LRRFIP1: variants seen among roughly 807,000 people sequenced by gnomAD.
LRRFIP1 encodes the protein leucine-rich repeat flightless-interacting protein 1.
Under a neutral mutation model 104.4 loss-of-function variants are expected in LRRFIP1, and 62 were observed. That is an observed-to-expected ratio of 0.59 (90% CI 0.48 to 0.73). The LOEUF (loss-of-function observed/expected upper bound fraction) is 0.73, where lower values mean the gene tolerates loss of function less well. Among genes scored for constraint, LRRFIP1 ranks in the 30% least tolerant of loss-of-function variants. The pLI, the probability that LRRFIP1 is intolerant of heterozygous loss-of-function variation, is 0.00. For synonymous variants in LRRFIP1, 300 were observed against 299.0 expected, an observed-to-expected ratio of 1.00 and a Z score of -0.03; for missense variants, 796 against 824.5, an observed-to-expected ratio of 0.97 and a Z score of 0.42.
Position 237,758,777 on chromosome 2 carries a change from GA to G in LRRFIP1, c.1274del (p.Asp425ValfsTer7), listed in dbSNP as rs1403984041. 17 of 1,613,470 alleles carry G rather than the reference GA, an allele frequency of 1.1e-5. No individual in the cohort carries two copies. The highest frequency in any genetic ancestry group is 1.4e-5 in the Non-Finnish European group (17 of 1,179,732). Reference protein sequence around the residue: ...EFFDSVRSERDDLREEVVMLK... With the variant: ...EFFDSVRSERXDLREEVVMLK... Reference sequence around the variant, plus strand: ...CTTTGATTCCGTAAGGAGTGAACGGGATGATCTTAGAGAAGAAGTAGTCATG... The same window carrying G: ...CTTTGATTCCGTAAGGAGTGAACGGGTGATCTTAGAGAAGAAGTAGTCATG... On this transcript the variant is annotated frameshift_variant, in exon 18 of 24. Coordinates refer to ENST00000308482, the MANE Select transcript of LRRFIP1 (RefSeq NM_001137550.2). LOFTEE classifies it high-confidence loss of function.
chr2:237,691,990 G>A lies in LRRFIP1; in HGVS notation c.97-16554G>A, dbSNP rs1463543651. 6.9e-6 allele frequency among the ~76,000 whole-genome samples: 1 copy of A among 145,320 alleles called. No homozygotes were observed. The highest frequency in any genetic ancestry group is 2.1e-4 in the East Asian group (1 of 4,818). On this transcript the variant is annotated intron_variant, in intron 1 of 23. Coordinates refer to ENST00000308482, the MANE Select transcript of LRRFIP1 (RefSeq NM_001137550.2). This position sits in a 1 kb window ranked among gnomAD's most constrained non-coding sequence, Gnocchi z 5.4. ...GGGGCCTGGGTGGGGCGGAGCCGGT[G>A]GGGGTGGGGAAAGGGGCGTAACCGG...
intron 20 of LRRFIP1, 50 bp from the exon 21 acceptor site, chr2:237,772,031 T>G (rs1162191103): frequency 7.4e-7 from 1 of 1,345,872 alleles, no homozygotes; most frequent in Non-Finnish European, 1.1e-6. Context: ...AGCTTTTCGG[T>G]CTCATTCAGA....
Position 237,735,296 on chromosome 2 carries a change from G to A in LRRFIP1, c.518G>A (p.Gly173Asp), listed in dbSNP as rs1414273013. Residue 173 changes from glycine to aspartate, a missense_variant, in exon 10 of 24, where the codon GGT becomes GAT. By Grantham distance (94) the Gly-to-Asp change is moderately conservative. Transcript: ENST00000308482. This position sits in a 1 kb window ranked among gnomAD's most constrained non-coding sequence, Gnocchi z 4.6. ...RASVLDEGSF[G>D]GTRRGSTSGS... is the part of the protein sequence containing the mutation. ...TCTGTGTTGGATGAAGGCAGCTTCGGTGGGACCCGACGGGGCAGCACCTCC... is the reference window on the plus strand; with the variant it reads ...TCTGTGTTGGATGAAGGCAGCTTCGATGGGACCCGACGGGGCAGCACCTCC... 4.3e-6 allele frequency: 7 copies of A among 1,613,546 alleles called. No homozygotes were observed. The highest frequency in any genetic ancestry group is 1.1e-5 in the South Asian group (1 of 91,064).
intron 6 of LRRFIP1, 50 bp from the exon 7 acceptor site, chr2:237,723,498 G>C: frequency 6.3e-7 from 1 of 1,593,280 alleles, no homozygotes; most frequent in Non-Finnish European, 8.6e-7. Context: ...TTTACTTTTG[G>C]CAACTCTCTT....
At chr2:237,646,782 C>T (rs1376094943) in intron 1 of LRRFIP1, among the ~76,000 whole-genome samples, 4 of 151,932 alleles carry the variant, frequency 2.6e-5, no homozygotes, top group African/African-American at 4.8e-5. Flanking sequence ...AACTTGCTGG[C>T]ACTTTGATCT....
intron 1 of LRRFIP1, among the ~76,000 whole-genome samples, chr2:237,669,211 T>G (rs558213572): frequency 3.9e-5 from 6 of 152,340 alleles, no homozygotes; most frequent in Middle Eastern, 3.4e-3. Flanking sequence ...TTCAAATTAT[T>G]TCCTTAAATT....
At chr2:237,758,705 C>G in intron 17 of LRRFIP1, 24 bp from the exon 18 acceptor site, 9 of 1,550,902 alleles carry the variant, frequency 5.8e-6, no homozygotes, top group Non-Finnish European at 8.0e-6. Context: ...CTTCTTCTTT[C>G]TCTTGGCTCT....
At chr2:237,692,605 A>G (rs2149773806) in intron 1 of LRRFIP1, 1 of 1,374,406 alleles carries the variant, frequency 7.3e-7, no homozygotes, top group Non-Finnish European at 9.6e-7. Context: ...GGTCAATGGC[A>G]GGCGCAGGTG....
At chr2:237,713,475 A>C (rs1292798200) in intron 2 of LRRFIP1, among the ~76,000 whole-genome samples, 4 of 152,210 alleles carry the variant, frequency 2.6e-5, no homozygotes, top group Admixed American at 6.5e-5. Context: ...TGCTGACTTG[A>C]TAAACATTTT....
intron 9 of LRRFIP1, among the ~76,000 whole-genome samples, chr2:237,734,068 G>A (rs77283439): frequency 0.036 from 5,513 of 152,080 alleles, 113 homozygotes; most frequent in South Asian, 0.11. Context: ...TGCTGGGATC[G>A]TTAGGCAGGA....
chr2:237,639,037 G>A (rs2083511438), intron 1 of LRRFIP1, among the ~76,000 whole-genome samples: 2 of 152,212 alleles, frequency 1.3e-5, no homozygotes, highest in African/African-American at 4.8e-5. Context: ...GCTATCGTGT[G>A]GGGCAGTCAT....
chr2:237,751,276 C>A lies in LRRFIP1; in HGVS notation c.867+5C>A. The A allele has an allele frequency of 6.2e-7, 1 of 1,600,344 alleles. No individual in the cohort carries two copies. The highest frequency in any genetic ancestry group is 8.5e-7 in the Non-Finnish European group (1 of 1,171,914). ...CAGGGATTGAAAGAGATGAAGGTAC[C>A]AATTCACAGACGTGTGGTCTCACGA... On this transcript the variant is annotated splice_donor_5th_base_variant and intron_variant, in intron 14 of 23. Transcript: ENST00000308482.
chr2:237,644,237 A>G (rs1178452882), intron 1 of LRRFIP1, among the ~76,000 whole-genome samples: 2 of 152,258 alleles, frequency 1.3e-5, no homozygotes, highest in African/African-American at 4.8e-5. Context: ...ACTCCCTAAA[A>G]AGGCAATCAT....
chr2:237,718,056 A>T (rs528667455), intron 4 of LRRFIP1, among the ~76,000 whole-genome samples: 4 of 152,156 alleles, frequency 2.6e-5, no homozygotes, highest in African/African-American at 7.2e-5. Flanking sequence ...CTGACTGCTG[A>T]TGTCTCCTGG....
At chr2:237,734,899 T>C (rs1346253153) in intron 9 of LRRFIP1, among the ~76,000 whole-genome samples, 2 of 152,226 alleles carry the variant, frequency 1.3e-5, no homozygotes, top group African/African-American at 4.8e-5. Flanking sequence ...TAAGAGTAAT[T>C]TTCTAAGCAT....
intron 1 of LRRFIP1, among the ~76,000 whole-genome samples, chr2:237,687,007 T>C (rs1217463745): frequency 6.6e-6 from 1 of 152,228 alleles, no homozygotes; most frequent in Non-Finnish European, 1.5e-5. Context: ...AGGGCATTCG[T>C]TGAGTCCACG....
chr2:237,756,829 G>C (rs1339421261), intron 16 of LRRFIP1, among the ~76,000 whole-genome samples: 3 of 152,174 alleles, frequency 2.0e-5, no homozygotes, highest in African/African-American at 7.2e-5. Context: ...TGGTTAAAGG[G>C]CCCCTGCAGT....
intron 21 of LRRFIP1, 111 bp from the exon 22 acceptor site, chr2:237,772,754 TA>T (rs1394975842): frequency 8.0e-6 from 6 of 750,866 alleles, no homozygotes; most frequent in Non-Finnish European, 1.4e-5. Context: ...GGGCCAGAAC[TA>T]ACAGATTTGT....
chr2:237,727,382 C>T (rs558046996), intron 7 of LRRFIP1, among the ~76,000 whole-genome samples: 80 of 151,276 alleles, frequency 5.3e-4, no homozygotes, highest in Non-Finnish European at 9.1e-4. Context: ...AAGAAATGAT[C>T]TCTGAATCTT....
Sources: allele counts gnomAD v4.1 joint callset (sites outside exome capture counted in the v4.1 genomes callset), GRCh38; gene constraint gnomAD v4.1.1; non-coding constraint Gnocchi (gnomAD v3.1); transcripts MANE v1.5; gene names NCBI Gene and HGNC (gene_info 2026-07-23, HGNC 2026-07-21).